NEDD4L: variants seen among roughly 807,000 people sequenced by gnomAD.
NEDD4L encodes NEDD4 like E3 ubiquitin protein ligase.
Under a neutral mutation model 148.9 loss-of-function variants are expected in NEDD4L, and 54 were observed. That is an observed-to-expected ratio of 0.36 (90% confidence interval 0.29 to 0.45). The LOEUF is 0.45. NEDD4L is among the 20% of genes least tolerant of loss of function. The probability of loss-of-function intolerance (pLI) is 1.00; values close to 1 mark genes in which losing one functional copy is unlikely to be tolerated. For synonymous variants in NEDD4L, 433 were observed against 440.7 expected (o/e 0.98, Z 0.22); for missense variants, 856 against 1,233.8 (o/e 0.69, Z 4.59).
At chr18:58,104,870 AC>A (rs1430540716) in intron 1 of NEDD4L, among the ~76,000 whole-genome samples, 3 of 34,824 alleles carry the variant, frequency 8.6e-5, no homozygotes, top group Non-Finnish European at 1.8e-4. Flanking sequence ...CAACCCCTCC[AC>A]CCCCCAAACA....
chr18:58,159,267 C>T (rs2035898994), intron 1 of NEDD4L, among the ~76,000 whole-genome samples: 1 of 151,912 alleles, frequency 6.6e-6, no homozygotes, highest in South Asian at 2.1e-4. Context: ...GTAGGCAGAG[C>T]ACCGAGGATT....
intron 5 of NEDD4L, among the ~76,000 whole-genome samples, chr18:58,289,378 G>C (rs1452056178): frequency 1.3e-5 from 2 of 152,208 alleles, no homozygotes; most frequent in Non-Finnish European, 2.9e-5. Flanking sequence ...CAGCCTTGGA[G>C]TATATGGCCT....
intron 5 of NEDD4L, among the ~76,000 whole-genome samples, chr18:58,270,326 C>G (rs1425510139): frequency 2.0e-5 from 3 of 152,178 alleles, no homozygotes; most frequent in East Asian, 3.8e-4. Context: ...TTAGGGCGCA[C>G]AGAAGTGTGG....
At chr18:58,176,532 G>T (rs2038178580) in intron 2 of NEDD4L, among the ~76,000 whole-genome samples, 2 of 152,114 alleles carry the variant, frequency 1.3e-5, no homozygotes, top group African/African-American at 4.8e-5. Context: ...GTGTTGTCTT[G>T]CTGTGTTGCC....
intron 5 of NEDD4L, among the ~76,000 whole-genome samples, chr18:58,270,741 A>G (rs1238198389): frequency 6.6e-6 from 1 of 152,046 alleles, no homozygotes; most frequent in Non-Finnish European, 1.5e-5. Flanking sequence ...CTTATCAGTT[A>G]CTACTACTTG....
At chr18:58,369,570 A>G (rs902402927) in intron 22 of NEDD4L, among the ~76,000 whole-genome samples, 4 of 152,098 alleles carry the variant, frequency 2.6e-5, no homozygotes, top group Non-Finnish European at 4.4e-5. Flanking sequence ...ACTGGAGTCT[A>G]TTGGAGCCTG....
intron 24 of NEDD4L, 65 bp from the exon 25 acceptor site, chr18:58,383,181 C>A: frequency 1.2e-6 from 1 of 828,028 alleles, no homozygotes; most frequent in South Asian, 1.5e-5. Flanking sequence ...AAGACATTGT[C>A]ACTCAATAAT....
intron 5 of NEDD4L, among the ~76,000 whole-genome samples, chr18:58,306,374 T>C (rs1427299444): frequency 6.6e-6 from 1 of 152,172 alleles, no homozygotes; most frequent in African/African-American, 2.4e-5. Flanking sequence ...CTCATTTCAT[T>C]TTTATATTAA....
intron 1 of NEDD4L, among the ~76,000 whole-genome samples, chr18:58,121,102 C>CT (rs1259805807): frequency 5.9e-5 from 9 of 151,806 alleles, no homozygotes; most frequent in Admixed American, 2.6e-4. Flanking sequence ...AGTGTCTTCT[C>CT]TTTTTTTTGG....
chr18:58,137,958 G>A (rs2033039049), intron 1 of NEDD4L, among the ~76,000 whole-genome samples: 1 of 152,156 alleles, frequency 6.6e-6, no homozygotes, highest in Admixed American at 6.5e-5. Flanking sequence ...AGACCCATTA[G>A]GTATAAGGCC....
chr18:58,284,979 T>G (rs919268843), intron 5 of NEDD4L, among the ~76,000 whole-genome samples: 6 of 152,170 alleles, frequency 3.9e-5, no homozygotes, highest in African/African-American at 1.4e-4. Flanking sequence ...CCCGTCCTCA[T>G]CCATGATACA....
At chr18:58,304,910 C>T (rs2056897661) in intron 5 of NEDD4L, among the ~76,000 whole-genome samples, 1 of 152,184 alleles carries the variant, frequency 6.6e-6, no homozygotes, top group Non-Finnish European at 1.5e-5. Context: ...GTCTTTTTAG[C>T]CCCAGTGTTA....
At chr18:58,168,945 A>G (rs2037211035) in intron 2 of NEDD4L, among the ~76,000 whole-genome samples, 2 of 151,948 alleles carry the variant, frequency 1.3e-5, no homozygotes, top group Admixed American at 1.3e-4. Context: ...ATGCTTGGGG[A>G]TGCAGGATGG....
At chr18:58,147,126 C>G (rs566625119) in intron 1 of NEDD4L, among the ~76,000 whole-genome samples, 1 of 152,284 alleles carries the variant, frequency 6.6e-6, no homozygotes, top group African/African-American at 2.4e-5. Context: ...CTTTGTGTGT[C>G]TGTGTGTGCA....
intron 9 of NEDD4L, among the ~76,000 whole-genome samples, chr18:58,327,340 G>A (rs779902350): frequency 7.2e-5 from 11 of 152,130 alleles, no homozygotes; most frequent in East Asian, 1.9e-4. Context: ...CAGGTGATCC[G>A]CCCACCTCAG....
intron 1 of NEDD4L, among the ~76,000 whole-genome samples, chr18:58,106,649 A>G (rs1208010731): frequency 6.6e-6 from 1 of 152,222 alleles, no homozygotes; most frequent in Non-Finnish European, 1.5e-5. Context: ...TAAATGATTT[A>G]AAGTATGCAG....
chr18:58,051,190 T>G (rs1447689492), intron 1 of NEDD4L, among the ~76,000 whole-genome samples: 1 of 151,736 alleles, frequency 6.6e-6, no homozygotes, highest in Admixed American at 6.6e-5. Context: ...CCTGGGAGGT[T>G]GAGGCTGCAG....
chr18:58,131,553 G>A (rs12961145), intron 1 of NEDD4L, among the ~76,000 whole-genome samples: 48,628 of 149,956 alleles, frequency 0.32, 7,957 homozygotes, highest in Non-Finnish European at 0.36. Flanking sequence ...GAACTGTGGC[G>A]GTTTTGGGCT....
At chr18:58,044,780 A>G in intron 1 of NEDD4L, 72 bp downstream of exon 1, 2 of 1,557,882 alleles carry the variant, frequency 1.3e-6, no homozygotes, top group East Asian at 2.4e-5. Flanking sequence ...GGGAGGGGAA[A>G]GGGGCCGTCC....
Sources: allele counts gnomAD v4.1 joint callset (sites outside exome capture counted in the v4.1 genomes callset), GRCh38; gene constraint gnomAD v4.1.1; transcripts MANE v1.5; gene names NCBI Gene and HGNC (gene_info 2026-07-23, HGNC 2026-07-21).